Variants in SLC29A4 observed in about 807,000 individuals in gnomAD.
The protein encoded by SLC29A4 is solute carrier family 29 member 4.
SLC29A4 carries 36 observed loss-of-function variants against 43.9 expected under a neutral mutation model. The ratio of observed to expected loss-of-function variants is 0.82; its 90% CI spans 0.63 to 1.08. SLC29A4 has a LOEUF of 1.08. Ranked by LOEUF, SLC29A4 falls within the 50% of genes least tolerant of loss-of-function variation. The pLI, the probability that SLC29A4 is intolerant of heterozygous loss-of-function variation, is 0.00. For missense variants in SLC29A4, 869 were observed against 755.3 expected, an observed-to-expected ratio of 1.15 and a Z score of -1.77; for synonymous variants, 491 against 338.0, an observed-to-expected ratio of 1.45 and a Z score of -4.97.
intron 2 of SLC29A4, among the ~76,000 whole-genome samples, chr7:5,288,346 C>T (rs1022499063): frequency 1.5e-5 from 2 of 130,920 alleles, no homozygotes; most frequent in East Asian, 2.1e-4. Context: ...CACTCTGTCA[C>T]CCGGCTGGAG....
intron 1 of SLC29A4, 24 bp from the exon 2 acceptor site, chr7:5,287,785 C>T (rs1266969415): frequency 4.4e-6 from 7 of 1,604,754 alleles, no homozygotes; most frequent in Admixed American, 1.7e-5. Flanking sequence ...CCCTCACCTG[C>T]TCTCTCTGCT....
Position 5,297,073 on chromosome 7 carries a change from C to G in SLC29A4, c.757C>G (p.Arg253Gly). The G allele has an allele frequency of 6.2e-7, 1 of 1,607,748 alleles. No individual in the cohort carries two copies. Among genetic ancestry groups the G allele is most frequent in the Non-Finnish European group, 8.5e-7 (1 of 1,179,698 alleles). The change falls in exon 7 of 11, where the codon CGG (arginine) becomes GGG (glycine). Residue 253 changes from arginine (R) to glycine (G), a missense_variant. Coordinates refer to ENST00000396872, the MANE Select transcript of SLC29A4 (RefSeq NM_153247.4). The part of the protein sequence containing the change: ...LLCFLLHLLV[R>G]RSRFVLFYTT... Reference sequence around the variant, plus strand: ...GTGTTTCCTGCTGCACCTGTTAGTGCGGCGCAGCCGCTTCGTGCTCTTCTA... The same window carrying G: ...GTGTTTCCTGCTGCACCTGTTAGTGGGGCGCAGCCGCTTCGTGCTCTTCTA...
At chr7:5,299,199 C>T in intron 8 of SLC29A4, 41 bp from the exon 9 acceptor site, 2 of 1,598,914 alleles carry the variant, frequency 1.3e-6, no homozygotes, top group African/African-American at 1.3e-5. Context: ...GGCAGGGGTC[C>T]CCGTGGGCGC....
rs1269411228 is a variant in SLC29A4, at chr7:5,297,112, C to T, written c.796C>T (p.Arg266Cys). 2.5e-6 allele frequency: 4 copies of T among 1,607,032 alleles called. No individual in the cohort carries two copies. Among genetic ancestry groups the T allele is most frequent in the East Asian group, 4.5e-5 (2 of 44,860 alleles). Residue 266 changes from arginine (R) to cysteine (C), a missense_variant, in exon 7 of 11, where the codon CGT becomes TGT. Coordinates refer to ENST00000396872, the MANE Select transcript of SLC29A4 (RefSeq NM_153247.4). ...CGTGCTCTTCTATACCACACGGCCGCGTGACAGCCACCGGGGCAGGCCAGG... is the reference window on the plus strand; with the variant it reads ...CGTGCTCTTCTATACCACACGGCCGTGTGACAGCCACCGGGGCAGGCCAGG... ...RFVLFYTTRP[R>C]DSHRGRPGLG...
chr7:5,291,548 CT>C (rs1785311006), intron 4 of SLC29A4, 144 bp from the exon 5 acceptor site: 2 of 1,138,186 alleles, frequency 1.8e-6, no homozygotes, highest in East Asian at 2.5e-5. Context: ...CCAGGTGCCC[CT>C]GTTAGACTCG....
At chr7:5,296,848 G>A in intron 6 of SLC29A4, 88 bp from the exon 7 acceptor site, 1 of 1,392,198 alleles carries the variant, frequency 7.2e-7, no homozygotes, top group Non-Finnish European at 9.4e-7. Context: ...GGTGGGGAGG[G>A]GTCTGTGTGT....
At chr7:5,300,154 C>T (rs950967799) in intron 9 of SLC29A4, among the ~76,000 whole-genome samples, 2 of 152,160 alleles carry the variant, frequency 1.3e-5, no homozygotes, top group Admixed American at 1.3e-4. Flanking sequence ...ATGGCTTGAG[C>T]CCGGGAGTTT....
chr7:5,295,916 C>G (rs1040446737), intron 6 of SLC29A4, among the ~76,000 whole-genome samples: 1 of 151,248 alleles, frequency 6.6e-6, no homozygotes, highest in Admixed American at 6.6e-5. Flanking sequence ...GCTCAGAGCC[C>G]TGTCCACCCT....
chr7:5,298,848 G>A (rs1196354946), intron 7 of SLC29A4, 140 bp from the exon 8 acceptor site: 2 of 835,796 alleles, frequency 2.4e-6, no homozygotes, highest in African/African-American at 1.7e-5. Flanking sequence ...AAGTGGAGGA[G>A]GGGTGTCTGC....
chr7:5,285,087 TGAA>T (rs1163782435), intron 1 of SLC29A4, among the ~76,000 whole-genome samples: 1 of 152,194 alleles, frequency 6.6e-6, no homozygotes, highest in Non-Finnish European at 1.5e-5. Context: ...CTCTGCAGGC[TGAA>T]GAAGGGCCCC....
intron 7 of SLC29A4, 115 bp downstream of exon 7, chr7:5,297,313 C>T (rs1265185876): frequency 5.6e-6 from 7 of 1,243,842 alleles, no homozygotes; most frequent in Admixed American, 3.0e-5. Flanking sequence ...CTGTGGTCTC[C>T]TCCTGTGGTG....
At chr7:5,301,287 C>T (rs1403688998) in intron 10 of SLC29A4, among the ~76,000 whole-genome samples, 3 of 149,988 alleles carry the variant, frequency 2.0e-5, no homozygotes, top group Non-Finnish European at 4.4e-5. Flanking sequence ...AATCCCAGAT[C>T]GGCGTGACTG....
chr7:5,291,370 G>A, intron 4 of SLC29A4, 133 bp downstream of exon 4: 1 of 907,270 alleles, frequency 1.1e-6, no homozygotes, highest in South Asian at 1.6e-5. Flanking sequence ...GGGCTGCCCT[G>A]AGGTCTGGTG....
rs769220744 is a variant in SLC29A4, at chr7:5,297,000, C to A, written c.684C>A (p.Arg228=). 4 of 1,604,302 alleles carry A rather than the reference C, an allele frequency of 2.5e-6. No homozygotes were observed. In the South Asian group the frequency reaches 3.3e-5, roughly 13 times the overall value. ...CGAAGCTGCTGCTGCCCGACGAGCG[C>A]GCCAGCACGCTCATCTTCTTCCTGG... ...ILTKLLLPDE[R]ASTLIFFLVS... is the part of the protein sequence containing the mutation. Residue 228 remains arginine, a synonymous_variant, in exon 7 of 11, where the codon CGC becomes CGA. Coordinates refer to ENST00000396872, the MANE Select transcript of SLC29A4 (RefSeq NM_153247.4).
At chr7:5,298,380 G>A (rs1386113156) in intron 7 of SLC29A4, among the ~76,000 whole-genome samples, 1 of 152,134 alleles carries the variant, frequency 6.6e-6, no homozygotes, top group African/African-American at 2.4e-5. Context: ...GAGGAGCTCC[G>A]TGTGTTTGGA....
At chr7:5,297,259 C>G in intron 7 of SLC29A4, 61 bp downstream of exon 7, 1 of 1,440,008 alleles carries the variant, frequency 6.9e-7, no homozygotes, top group Non-Finnish European at 9.1e-7. Flanking sequence ...CCCACCGCTT[C>G]GTCGGGAAGT....
intron 5 of SLC29A4, among the ~76,000 whole-genome samples, chr7:5,293,080 G>T (rs1785416084): frequency 6.6e-6 from 1 of 150,594 alleles, no homozygotes; most frequent in Admixed American, 6.6e-5. Flanking sequence ...ATCCGGGACG[G>T]TCCTTCACCC....
intron 6 of SLC29A4, among the ~76,000 whole-genome samples, chr7:5,295,991 G>A (rs572703213): frequency 6.6e-6 from 1 of 152,102 alleles, no homozygotes; most frequent in East Asian, 1.9e-4. Context: ...GGGCAGTGGC[G>A]CATGGTCACG....
chr7:5,287,279 A>G (rs1470919752), intron 1 of SLC29A4, among the ~76,000 whole-genome samples: 1 of 152,172 alleles, frequency 6.6e-6, no homozygotes, highest in Non-Finnish European at 1.5e-5. Context: ...TTAGCCAGGC[A>G]TGGTGTTTCG....
Sources: gnomAD v4.1 joint callset for allele counts (sites outside exome capture counted in the v4.1 genomes callset) on GRCh38, gnomAD v4.1.1 for gene constraint, MANE v1.5 for transcripts, NCBI Gene and HGNC (gene_info 2026-07-23, HGNC 2026-07-21) for gene names.